Variants in PPP1R12A observed in about 807,000 individuals in gnomAD.
The protein encoded by PPP1R12A is protein phosphatase 1 regulatory subunit 12A, also known as myosin binding subunit.
Under a neutral mutation model 139.6 loss-of-function variants are expected in PPP1R12A, and 19 were observed. That is an observed-to-expected ratio of 0.14 (90% CI 0.09 to 0.20). PPP1R12A has a LOEUF of 0.20. PPP1R12A is among the 10% of genes least tolerant of loss of function. The pLI is 1.00. For synonymous variants in PPP1R12A, 427 were observed against 420.6 expected (o/e 1.02, Z -0.19); for missense variants, 925 against 1,211.5 (o/e 0.76, Z 3.51).
At chr12:79,779,334 C>G (rs1363510555) in intron 23 of PPP1R12A, 1 of 1,288,996 alleles carries the variant, frequency 7.8e-7, no homozygotes, top group Non-Finnish European at 1.0e-6. Flanking sequence ...CCAGAAGATA[C>G]TGACTCTTGC....
chr12:79,845,583 C>A (rs1879277938), intron 2 of PPP1R12A, among the ~76,000 whole-genome samples, 163 bp from the exon 3 acceptor site: 1 of 152,178 alleles, frequency 6.6e-6, no homozygotes, highest in African/African-American at 2.4e-5. Flanking sequence ...GTGGCTCACG[C>A]CTGTAATCCC....
chr12:79,857,223 A>C (rs934976801), intron 2 of PPP1R12A, among the ~76,000 whole-genome samples: 5 of 152,142 alleles, frequency 3.3e-5, no homozygotes, highest in African/African-American at 1.2e-4. Context: ...AAAATGTGGC[A>C]CATATACACC....
intron 24 of PPP1R12A, among the ~76,000 whole-genome samples, chr12:79,776,497 TA>T (rs1336411304): frequency 6.6e-6 from 1 of 152,098 alleles, no homozygotes; most frequent in African/African-American, 2.4e-5. Flanking sequence ...TAAAATTCCT[TA>T]AACGATTCAC....
At chr12:79,840,626 A>G (rs557881787) in intron 3 of PPP1R12A, among the ~76,000 whole-genome samples, 1 of 152,294 alleles carries the variant, frequency 6.6e-6, no homozygotes, top group African/African-American at 2.4e-5. Flanking sequence ...CTTCCTTCAT[A>G]TCTGCATTCA....
chr12:79,808,528 G>T lies in PPP1R12A; in HGVS notation c.1505C>A (p.Pro502Gln). The change falls in exon 11 of 25, where the codon CCA becomes CAA. Residue 502 changes from proline (P) to glutamine (Q), a missense_variant. This residue lies in a region of PPP1R12A where 403 missense variants were observed against 463.7 expected (regional missense o/e 0.87). Transcript: ENST00000450142. Reference protein sequence around the residue: ...TRLAYVAPTIPRRLASTSDIE... With the variant: ...TRLAYVAPTIQRRLASTSDIE... ...GTCAGATGTACTGGCTAGTCGTCTT[G>T]GTATTGTAGGTGCAACATATGCAAG... 6.2e-7 allele frequency: 1 copy of T among 1,609,268 alleles called. No individual in the cohort carries two copies. The highest frequency in any genetic ancestry group is 8.5e-7 in the Non-Finnish European group (1 of 1,176,776).
intron 2 of PPP1R12A, among the ~76,000 whole-genome samples, chr12:79,868,597 T>C (rs1882238217): frequency 2.6e-5 from 4 of 152,206 alleles, no homozygotes; most frequent in African/African-American, 9.6e-5. Flanking sequence ...TTTCTTCACA[T>C]GGTTTCTTTC....
chr12:79,798,658 G>A lies in PPP1R12A; in HGVS notation c.2001-74C>T, dbSNP rs530562537. The A allele has an allele frequency of 4.6e-5, 36 of 775,294 alleles. No homozygotes were observed. In the East Asian group the frequency reaches 9.2e-4, roughly 20 times the overall value. The allele number at this position is 775,294 out of a possible 1,614,324, so 48.0% of individuals were successfully genotyped here. ...AATGTAAATATCTATCAATGCATAT[G>A]AATAAAACATACAGGTTTAATATCT... is the stretch of plus-strand genomic sequence containing the variant. On this transcript the variant is annotated intron_variant, in intron 14 of 24. Transcript: ENST00000450142.
intron 24 of PPP1R12A, among the ~76,000 whole-genome samples, 181 bp from the exon 25 acceptor site, chr12:79,776,196 A>T (rs1368268821): frequency 1.3e-5 from 2 of 152,102 alleles, no homozygotes; most frequent in Admixed American, 6.6e-5. Flanking sequence ...GGATTTGTAA[A>T]GCTAATTAGT....
chr12:79,777,916 T>C (rs571964642), intron 24 of PPP1R12A, among the ~76,000 whole-genome samples: 4 of 152,270 alleles, frequency 2.6e-5, no homozygotes, highest in East Asian at 3.9e-4. Context: ...TAATGAAATA[T>C]CTAAATCTTG....
intron 1 of PPP1R12A, among the ~76,000 whole-genome samples, chr12:79,916,903 C>CT (rs919540746): frequency 5.2e-4 from 76 of 146,184 alleles, no homozygotes; most frequent in East Asian, 1.0e-3. Context: ...TGAGATTTTT[C>CT]TTTTTTTTTT....
intron 1 of PPP1R12A, among the ~76,000 whole-genome samples, chr12:79,913,171 T>C (rs1401476187): frequency 3.3e-5 from 5 of 152,274 alleles, no homozygotes; most frequent in Non-Finnish European, 7.3e-5. Context: ...TCTGTGTATT[T>C]TGTTGTTTAA....
chr12:79,841,119 A>G (rs929420789), intron 3 of PPP1R12A, among the ~76,000 whole-genome samples: 3 of 151,398 alleles, frequency 2.0e-5, no homozygotes, highest in African/African-American at 7.3e-5. Flanking sequence ...GCTGGAGTGC[A>G]GTGATACAAT....
chr12:79,794,147 A>C (rs1422920721), intron 18 of PPP1R12A, among the ~76,000 whole-genome samples: 1 of 152,048 alleles, frequency 6.6e-6, no homozygotes, highest in Admixed American at 6.6e-5. Flanking sequence ...AGGGCTCATT[A>C]TACTATTATG....
intron 2 of PPP1R12A, among the ~76,000 whole-genome samples, chr12:79,859,346 A>AAAAG: frequency 6.6e-6 from 1 of 150,430 alleles, no homozygotes. Flanking sequence ...TTAAAAAAAA[A>AAAAG]AAAGAAAGAA....
intron 3 of PPP1R12A, among the ~76,000 whole-genome samples, chr12:79,841,704 T>C (rs758222556): frequency 1.2e-4 from 19 of 152,214 alleles, no homozygotes; most frequent in Non-Finnish European, 1.8e-4. Context: ...AGAATTACCA[T>C]TGTTTGACAG....
At chr12:79,900,831 TTAAC>T (rs1400325485) in intron 1 of PPP1R12A, among the ~76,000 whole-genome samples, 1 of 152,134 alleles carries the variant, frequency 6.6e-6, no homozygotes, top group Non-Finnish European at 1.5e-5. Context: ...AAATCTCAGT[TTAAC>T]TATTCATCTG....
intron 14 of PPP1R12A, among the ~76,000 whole-genome samples, chr12:79,801,153 C>T (rs569098776): frequency 6.6e-6 from 1 of 151,246 alleles, no homozygotes; most frequent in East Asian, 2.0e-4. Context: ...TGAGACCAGC[C>T]TGACCAACAT....
chr12:79,800,132 C>T (rs553035813), intron 14 of PPP1R12A, among the ~76,000 whole-genome samples: 1 of 152,318 alleles, frequency 6.6e-6, no homozygotes, highest in African/African-American at 2.4e-5. Context: ...CATCAAATTA[C>T]ACCACCTAGC....
intron 1 of PPP1R12A, among the ~76,000 whole-genome samples, chr12:79,918,205 G>C (rs911071252): frequency 6.6e-5 from 10 of 150,596 alleles, no homozygotes; most frequent in African/African-American, 2.4e-4. Context: ...CGTTTTTTCT[G>C]TATGTTCATA....
Sources: gnomAD v4.1 joint callset for allele counts (sites outside exome capture counted in the v4.1 genomes callset) on GRCh38, gnomAD v4.1.1 for gene constraint, gnomAD v4.1.1 regional missense constraint, MANE v1.5 for transcripts, NCBI Gene and HGNC (gene_info 2026-07-23, HGNC 2026-07-21) for gene names.